ARIH1: variants seen among roughly 807,000 people sequenced by gnomAD.
ARIH1 encodes the protein ariadne RBR E3 ubiquitin protein ligase 1, also known as E3 ubiquitin-protein ligase ARIH1.
In ARIH1, 8 loss-of-function variants were observed where a neutral mutation model predicts 85.0. That is an observed-to-expected ratio of 0.09 (90% CI 0.06 to 0.17). The LOEUF (loss-of-function observed/expected upper bound fraction) is 0.17. Ranked by LOEUF, ARIH1 falls within the 10% of genes least tolerant of loss-of-function variation. The pLI, the probability that ARIH1 is intolerant of heterozygous loss-of-function variation, is 1.00. For missense variants in ARIH1, 311 were observed against 718.1 expected (o/e 0.43, Z 6.48); for synonymous variants, 238 against 253.6 (o/e 0.94, Z 0.59).
At chr15:72,520,669 T>A (rs1301050406) in intron 2 of ARIH1, among the ~76,000 whole-genome samples, 1 of 152,190 alleles carries the variant, frequency 6.6e-6, no homozygotes. Flanking sequence ...CTATTTCAGT[T>A]TTTCTAGTCA....
intron 1 of ARIH1, 51 bp downstream of exon 1, chr15:72,475,065 T>C (rs1473642465): frequency 6.5e-7 from 1 of 1,542,890 alleles, no homozygotes; most frequent in Admixed American, 2.0e-5. Flanking sequence ...GGGAGCGGAT[T>C]CAGGCGGCAC....
At chr15:72,517,534 C>T (rs572085125) in intron 1 of ARIH1, among the ~76,000 whole-genome samples, 9 of 152,080 alleles carry the variant, frequency 5.9e-5, no homozygotes, top group Admixed American at 3.9e-4. Context: ...AGGTGATTCT[C>T]GTGCCTCAGC....
intron 1 of ARIH1, among the ~76,000 whole-genome samples, chr15:72,476,546 A>G (rs1417190736): frequency 1.3e-5 from 2 of 151,714 alleles, no homozygotes; most frequent in Non-Finnish European, 1.5e-5. Context: ...TTGTATTTTT[A>G]GTAGAGACGG....
intron 2 of ARIH1, among the ~76,000 whole-genome samples, chr15:72,519,706 A>G (rs1282908381): frequency 6.6e-6 from 1 of 150,820 alleles, no homozygotes; most frequent in Non-Finnish European, 1.5e-5. Flanking sequence ...CTGGTCTCGA[A>G]CTCCCAACCT....
At chr15:72,539,186 C>G (rs1407746386) in intron 2 of ARIH1, among the ~76,000 whole-genome samples, 1 of 152,100 alleles carries the variant, frequency 6.6e-6, no homozygotes, top group Non-Finnish European at 1.5e-5. Flanking sequence ...TTATTTTGGT[C>G]TGATTTTCAG....
Position 72,601,335 on chromosome 15 carries a change from C to T in ARIH1, c.*18043C>T, listed in dbSNP as rs2064381839. 6.6e-6 allele frequency: 1 copy of T among 152,208 alleles called. No individual in the cohort carries two copies. Among genetic ancestry groups the T allele is most frequent in the African/African-American group, 2.4e-5 (1 of 41,440 alleles). 9.4% of individuals were successfully genotyped at this position (152,208 alleles called of 1,614,324 possible). ...ATTCCTTGCTCAAAATTCTCTAGTGCCTTCCCAATGCCCTTAAAATAAAAT... is the reference window on the plus strand; with the variant it reads ...ATTCCTTGCTCAAAATTCTCTAGTGTCTTCCCAATGCCCTTAAAATAAAAT... On this transcript the variant is annotated 3_prime_UTR_variant, in exon 14 of 14. Coordinates refer to ENST00000379887, the MANE Select transcript of ARIH1 (RefSeq NM_005744.5).
At chr15:72,550,633 T>C (rs2140427043) in intron 3 of ARIH1, among the ~76,000 whole-genome samples, 1 of 152,298 alleles carries the variant, frequency 6.6e-6, no homozygotes, top group South Asian at 2.1e-4. Flanking sequence ...TACATGTCAT[T>C]CTTTCAGTAA....
At chr15:72,569,706 A>G (rs889542444) in intron 9 of ARIH1, among the ~76,000 whole-genome samples, 3 of 152,246 alleles carry the variant, frequency 2.0e-5, no homozygotes, top group Non-Finnish European at 4.4e-5. Context: ...TAGAGAGTAT[A>G]GTATATTTAT....
rs2140444212 is a variant in ARIH1, at chr15:72,589,602, G to T, written c.*6310G>T. 1 of 152,282 alleles carries T rather than the reference G, an allele frequency of 6.6e-6. No individual in the cohort carries two copies. The highest frequency in any genetic ancestry group is 6.5e-5 in the Admixed American group (1 of 15,278). The allele number at this position is 152,282 out of a possible 1,614,324, so 9.4% of individuals were successfully genotyped here. ...TAGACAGAACCAATCAGATCCATGG[G>T]GCAGGATCATCAATACAAACATGGG... is the stretch of plus-strand genomic sequence containing the variant. On this transcript the variant is annotated 3_prime_UTR_variant, in exon 14 of 14. Transcript: ENST00000379887.
chr15:72,592,871 T>G lies in ARIH1; in HGVS notation c.*9579T>G, dbSNP rs529753579. On this transcript the variant is annotated 3_prime_UTR_variant, in exon 14 of 14. Coordinates refer to ENST00000379887, the MANE Select transcript of ARIH1 (RefSeq NM_005744.5). ...ATTATGAATAAGGATGCTATCGATATTCTTACACAGCCTTTTGTTTTTGTT... is the reference window on the plus strand; with the variant it reads ...ATTATGAATAAGGATGCTATCGATAGTCTTACACAGCCTTTTGTTTTTGTT... 1.3e-5 allele frequency: 2 copies of G among 152,344 alleles called. No individual in the cohort carries two copies. The highest frequency in any genetic ancestry group is 4.1e-4 in the South Asian group (2 of 4,824). 9.4% of individuals were successfully genotyped at this position (152,344 alleles called of 1,614,324 possible). A position where few individuals can be genotyped will look rare whatever the true frequency, so the allele number is the denominator to read the frequency against.
chr15:72,557,679 G>C (rs1162844570), intron 5 of ARIH1, among the ~76,000 whole-genome samples: 2 of 152,096 alleles, frequency 1.3e-5, no homozygotes, highest in East Asian at 3.8e-4. Flanking sequence ...TTTATAGATT[G>C]AGCTCTTACA....
chr15:72,484,171 CA>C (rs35300595), intron 1 of ARIH1, among the ~76,000 whole-genome samples: 14,647 of 117,448 alleles, frequency 0.12, 1,295 homozygotes, highest in African/African-American at 0.32. Flanking sequence ...GAAACTCCAT[CA>C]AAAAAAAAAA....
At chr15:72,561,413 CTA>C in intron 5 of ARIH1, 68 bp from the exon 6 acceptor site, 1 of 1,178,964 alleles carries the variant, frequency 8.5e-7, no homozygotes, top group Non-Finnish European at 1.2e-6. Context: ...GCTTTTGAAA[CTA>C]TGTTTTATAA....
At chr15:72,485,488 A>G (rs1254921272) in intron 1 of ARIH1, among the ~76,000 whole-genome samples, 1 of 151,454 alleles carries the variant, frequency 6.6e-6, no homozygotes, top group Non-Finnish European at 1.5e-5. Flanking sequence ...ACAGTGAGCT[A>G]TTTTTGTGAT....
At position 72,590,347 on chromosome 15, in the gene ARIH1, A is replaced by G. The variant is rs887911812; in HGVS notation, c.*7055A>G. ...CTGATTAGGGGACTTCCAACCTAAG[A>G]TTGTCCTGGAAACTTAATTCTTATC... On this transcript the variant is annotated 3_prime_UTR_variant, in exon 14 of 14. Transcript: ENST00000379887. 1 of 152,288 alleles carries G rather than the reference A, an allele frequency of 6.6e-6. No homozygotes were observed. Among genetic ancestry groups the G allele is most frequent in the Non-Finnish European group, 1.5e-5 (1 of 68,036 alleles). 9.4% of individuals were successfully genotyped at this position (152,288 alleles called of 1,614,324 possible). A position where few individuals can be genotyped will look rare whatever the true frequency, so the allele number is the denominator to read the frequency against.
intron 2 of ARIH1, among the ~76,000 whole-genome samples, chr15:72,519,505 C>T (rs1486522624): frequency 3.0e-4 from 23 of 75,726 alleles, no homozygotes; most frequent in East Asian, 2.1e-3. Flanking sequence ...TTTTTTGAGA[C>T]GGAGTTTCGC....
At chr15:72,478,100 C>T (rs764287061) in intron 1 of ARIH1, among the ~76,000 whole-genome samples, 2 of 151,952 alleles carry the variant, frequency 1.3e-5, no homozygotes, top group Non-Finnish European at 2.9e-5. Context: ...GCCACCATGC[C>T]TGGCCAGGGT....
At chr15:72,552,395 C>T (rs992462526) in intron 3 of ARIH1, among the ~76,000 whole-genome samples, 20 of 152,050 alleles carry the variant, frequency 1.3e-4, no homozygotes, top group African/African-American at 4.6e-4. Context: ...TGAAGGGATT[C>T]TTCTGCCTCA....
chr15:72,583,193 T>TC lies in ARIH1; in HGVS notation c.1590-14dup. On this transcript the variant is annotated splice_polypyrimidine_tract_variant and intron_variant, in intron 13 of 13. Coordinates refer to ENST00000379887, the MANE Select transcript of ARIH1 (RefSeq NM_005744.5). Reference sequence around the variant, plus strand: ...GGCTGACAACAAGTTTTTTTTTTTTTCTCTTTGATTACAGATACTGTGAGA... The same window carrying TC: ...GGCTGACAACAAGTTTTTTTTTTTTTCCTCTTTGATTACAGATACTGTGAGA... 12 of 1,581,088 alleles carry TC rather than the reference T, an allele frequency of 7.6e-6. No homozygotes were observed. Among genetic ancestry groups the TC allele is most frequent in the Non-Finnish European group, 9.4e-6 (11 of 1,165,882 alleles).
Sources: allele counts gnomAD v4.1 joint callset (sites outside exome capture counted in the v4.1 genomes callset), GRCh38; gene constraint gnomAD v4.1.1; transcripts MANE v1.5; gene names NCBI Gene and HGNC (gene_info 2026-07-23, HGNC 2026-07-21).